ADAMTS16: variants seen among roughly 807,000 people sequenced by gnomAD.
ADAMTS16 encodes A disintegrin and metalloproteinase with thrombospondin motifs 16.
A neutral mutation model predicts 145.8 loss-of-function variants in ADAMTS16; 94 were observed. That is an observed-to-expected ratio of 0.64 (90% CI 0.55 to 0.77). The LOEUF (loss-of-function observed/expected upper bound fraction) is 0.77. Among genes scored for constraint, ADAMTS16 ranks in the 30% least tolerant of loss-of-function variants. The pLI is 0.00. For missense variants in ADAMTS16, 1,585 were observed against 1,591.5 expected (o/e 1.00, Z 0.07); for synonymous variants, 659 against 604.3 (o/e 1.09, Z -1.33).
chr5:5,219,979 A>C (rs997194918), intron 10 of ADAMTS16, among the ~76,000 whole-genome samples: 14 of 152,086 alleles, frequency 9.2e-5, no homozygotes, highest in Non-Finnish European at 2.1e-4. Context: ...GCTTTTTATG[A>C]TCACGATTTC....
At chr5:5,284,601 T>G (rs557497152) in intron 18 of ADAMTS16, among the ~76,000 whole-genome samples, 2 of 152,328 alleles carry the variant, frequency 1.3e-5, no homozygotes, top group South Asian at 4.1e-4. Flanking sequence ...GCTTGCTGCT[T>G]CTCTGTTGCT....
chr5:5,232,333 G>T (rs974102083), intron 11 of ADAMTS16, 35 bp from the exon 12 acceptor site: 2 of 1,613,474 alleles, frequency 1.2e-6, no homozygotes, highest in East Asian at 4.5e-5. Flanking sequence ...CCATCTGTGT[G>T]AGTCAAGTCA....
intron 18 of ADAMTS16, among the ~76,000 whole-genome samples, chr5:5,295,669 C>G (rs1739500702): frequency 1.3e-5 from 2 of 152,220 alleles, no homozygotes; most frequent in Admixed American, 6.5e-5. Flanking sequence ...GGAAGTAAAC[C>G]AGTGGGCAGG....
chr5:5,288,323 A>T (rs1358509715), intron 18 of ADAMTS16, among the ~76,000 whole-genome samples: 1 of 152,218 alleles, frequency 6.6e-6, no homozygotes, highest in Non-Finnish European at 1.5e-5. Context: ...AAATGAACCT[A>T]TGTTACTCAT....
At chr5:5,150,639 T>C (rs1200847478) in intron 3 of ADAMTS16, among the ~76,000 whole-genome samples, 1 of 152,186 alleles carries the variant, frequency 6.6e-6, no homozygotes, top group African/African-American at 2.4e-5. Flanking sequence ...TGCAACAGAG[T>C]CCAGGTTGTT....
chr5:5,224,912 C>T (rs1736715592), intron 11 of ADAMTS16, among the ~76,000 whole-genome samples: 1 of 152,078 alleles, frequency 6.6e-6, no homozygotes, highest in South Asian at 2.1e-4. Flanking sequence ...TTCACAATAA[C>T]CTGTACATTC....
In ADAMTS16 at chr5:5,306,627, G is replaced by A. The variant is rs770384532; in HGVS notation, c.3310G>A (p.Glu1104Lys). 1.5e-5 allele frequency: 25 copies of A among 1,614,074 alleles called. No homozygotes were observed. The highest frequency in any genetic ancestry group is 1.6e-4 in the Middle Eastern group (1 of 6,082). ...KCSHLPKPSL[E>K]LERACAPLPC... ...CTCACATTTGCCGAAGCCCAGCCTG[G>A]AGCTGGAACGTGCCTGCGCCCCGCT... is the stretch of plus-strand genomic sequence containing the variant. The change falls in exon 21 of 23, where the codon GAG becomes AAG. Residue 1104 changes from glutamate to lysine, a missense_variant. Transcript: ENST00000274181.
chr5:5,146,605 T>C lies in ADAMTS16; in HGVS notation c.501+150T>C, dbSNP rs1734304172. The C allele has an allele frequency of 7.9e-6, 7 of 887,712 alleles. No individual in the cohort carries two copies. In the Admixed American group the frequency reaches 1.7e-4, roughly 22 times the overall value. The allele number at this position is 887,712 out of a possible 1,614,324, so 55.0% of individuals were successfully genotyped here. A position where few individuals can be genotyped will look rare whatever the true frequency, so the allele number is the denominator to read the frequency against. ...GAGGAATATTGCCAAGTAAAACTTT[T>C]CCAAAAAACATTGCGTGCCTCCTCT... On this transcript the variant is annotated intron_variant, in intron 3 of 22. Transcript: ENST00000274181.
intron 18 of ADAMTS16, among the ~76,000 whole-genome samples, chr5:5,289,731 C>T (rs1739229545): frequency 6.6e-6 from 1 of 152,210 alleles, no homozygotes; most frequent in African/African-American, 2.4e-5. Context: ...AACAGTCAGG[C>T]CTATTCATGT....
At chr5:5,255,577 C>T (rs1471440064) in intron 17 of ADAMTS16, among the ~76,000 whole-genome samples, 2 of 152,226 alleles carry the variant, frequency 1.3e-5, no homozygotes, top group African/African-American at 4.8e-5. Flanking sequence ...TCCTTACATC[C>T]ACTGCTTCCA....
chr5:5,140,896 C>CT (rs59628659), intron 2 of ADAMTS16, 130 bp downstream of exon 2: 2,203 of 633,756 alleles, frequency 3.5e-3, no homozygotes, highest in East Asian at 5.9e-3. Context: ...CTGTTGTGAA[C>CT]TTTTTTTTTT....
chr5:5,168,216 C>T lies in ADAMTS16; in HGVS notation c.502-13828C>T, dbSNP rs562303047. On this transcript the variant is annotated intron_variant, in intron 3 of 22. Coordinates refer to ENST00000274181, the MANE Select transcript of ADAMTS16 (RefSeq NM_139056.4). Reference sequence around the variant, plus strand: ...ATCTCAGTCATATATCATCTATTTTCTTGACCTTTTAATATTTTCCTTCAT... The same window carrying T: ...ATCTCAGTCATATATCATCTATTTTTTTGACCTTTTAATATTTTCCTTCAT... Among the ~76,000 whole-genome samples, 161 of 152,082 alleles carry T rather than the reference C, an allele frequency of 1.1e-3. 5 individuals carry two copies. In the South Asian group the frequency reaches 0.032, roughly 31 times the overall value.
Position 5,318,142 on chromosome 5 carries a change from C to T in ADAMTS16, c.3420C>T (p.Ala1140=). 6.8e-7 allele frequency: 1 copy of T among 1,472,512 alleles called. No individual in the cohort carries two copies. The highest frequency in any genetic ancestry group is 9.1e-7 in the Non-Finnish European group (1 of 1,104,934). 91.2% of individuals were successfully genotyped at this position (1,472,512 alleles called of 1,614,324 possible). The change falls in exon 22 of 23, where the codon GCC becomes GCT. Residue 1140 remains alanine (A), a synonymous_variant. Transcript: ENST00000274181. The part of the protein sequence containing the change: ...WFASPWSQCT[A]SCGGGVQTRS... Reference sequence around the variant, plus strand: ...GTGTGTTGCTCTCACAGTGCACGGCCAGCTGTGGGGGAGGCGTTCAGACGA... The same window carrying T: ...GTGTGTTGCTCTCACAGTGCACGGCTAGCTGTGGGGGAGGCGTTCAGACGA...
chr5:5,303,744 G>T lies in ADAMTS16; in HGVS notation c.3164G>T (p.Trp1055Leu), dbSNP rs750156954. 5 of 1,613,190 alleles carry T rather than the reference G, an allele frequency of 3.1e-6. No individual in the cohort carries two copies. In the Admixed American group the frequency reaches 6.7e-5, roughly 21 times the overall value. Reference sequence around the variant, plus strand: ...TGCCACAAGCCCAAGAAGCTGCAGTGGCTGGTGTCCGCCTGGTCCCAGGTA... The same window carrying T: ...TGCCACAAGCCCAAGAAGCTGCAGTTGCTGGTGTCCGCCTGGTCCCAGGTA... ...QRCHKPKKLQWLVSAWSQCSV... is the reference protein window; with the variant it reads ...QRCHKPKKLQLLVSAWSQCSV... The change falls in exon 20 of 23, where the codon TGG becomes TTG. Residue 1055 changes from tryptophan (W) to leucine (L), a missense_variant. This residue lies in a region of ADAMTS16 where 834 missense variants were observed against 811.7 expected (regional missense o/e 1.03). Coordinates refer to ENST00000274181, the MANE Select transcript of ADAMTS16 (RefSeq NM_139056.4).
In ADAMTS16 at chr5:5,140,549, G is replaced by C. The variant is rs1449651346; in HGVS notation, c.72+10G>C. ...GCAGGTGGCCGAGCAGGTGAGTCCCGGGCGCTCCCACCAGCGCGGAAACCG... is the reference window on the plus strand; with the variant it reads ...GCAGGTGGCCGAGCAGGTGAGTCCCCGGCGCTCCCACCAGCGCGGAAACCG... On this transcript the variant is annotated intron_variant, in intron 1 of 22. Coordinates refer to ENST00000274181, the MANE Select transcript of ADAMTS16 (RefSeq NM_139056.4). The C allele has an allele frequency of 2.7e-6, 4 of 1,507,442 alleles. No individual in the cohort carries two copies. The highest frequency in any genetic ancestry group is 1.2e-5 in the South Asian group (1 of 80,284). The allele number at this position is 1,507,442 out of a possible 1,614,324, so 93.4% of individuals were successfully genotyped here. A position where few individuals can be genotyped will look rare whatever the true frequency, so the allele number is the denominator to read the frequency against.
intron 10 of ADAMTS16, among the ~76,000 whole-genome samples, chr5:5,221,914 A>T (rs1736615695): frequency 6.6e-6 from 1 of 152,140 alleles, no homozygotes; most frequent in Non-Finnish European, 1.5e-5. Context: ...GCATCCATTT[A>T]ATTTCTTGGG....
chr5:5,176,715 G>A (rs1197162599), intron 3 of ADAMTS16, among the ~76,000 whole-genome samples: 2 of 152,162 alleles, frequency 1.3e-5, no homozygotes, highest in African/African-American at 4.8e-5. Context: ...GATAATCATA[G>A]CGCATTCTTA....
intron 8 of ADAMTS16, among the ~76,000 whole-genome samples, chr5:5,193,224 T>C (rs1476263285): frequency 2.0e-5 from 3 of 152,152 alleles, no homozygotes; most frequent in Admixed American, 2.0e-4. Flanking sequence ...TGCTTGTGTT[T>C]AATGGAATTC....
chr5:5,181,255 C>G (rs1043493602), intron 3 of ADAMTS16, among the ~76,000 whole-genome samples: 20 of 152,134 alleles, frequency 1.3e-4, no homozygotes, highest in Non-Finnish European at 1.9e-4. Context: ...CCTGGGGCTG[C>G]CTCCTGAGTG....
Sources: gnomAD v4.1 joint callset for allele counts (sites outside exome capture counted in the v4.1 genomes callset) on GRCh38, gnomAD v4.1.1 for gene constraint, gnomAD v4.1.1 regional missense constraint, MANE v1.5 for transcripts, NCBI Gene and HGNC (gene_info 2026-07-23, HGNC 2026-07-21) for gene names.